Variants in KCNMB1 observed in about 807,000 individuals in gnomAD.
KCNMB1 encodes the protein calcium-activated potassium channel subunit beta-1.
Under a neutral mutation model 21.7 loss-of-function variants are expected in KCNMB1, and 22 were observed. The observed-to-expected ratio is 1.01, with a 90% CI of 0.72 to 1.45. KCNMB1 has a LOEUF of 1.45. KCNMB1 is among the 40% of genes most tolerant of loss of function. The pLI is 0.00. For missense variants in KCNMB1, 243 were observed against 243.4 expected (o/e 1.00, Z 0.01); for synonymous variants, 114 against 107.6 (o/e 1.06, Z -0.37).
At chr5:170,383,453 G>A (rs1298717253) in intron 3 of KCNMB1, 2 of 617,348 alleles carry the variant, frequency 3.2e-6, no homozygotes, top group Admixed American at 2.6e-5. Flanking sequence ...GGAGGTGAGA[G>A]GCTAAGTGGC....
At chr5:170,380,481 T>C (rs12518633) in intron 3 of KCNMB1, among the ~76,000 whole-genome samples, 3,982 of 152,282 alleles carry the variant, frequency 0.026, 117 homozygotes, top group African/African-American at 0.067. Context: ...TTATATGAGG[T>C]GCCACCCTGG....
At chr5:170,385,601 ACTTCC>A in intron 1 of KCNMB1, 130 bp from the exon 2 acceptor site, 1 of 903,146 alleles carries the variant, frequency 1.1e-6, no homozygotes, top group Non-Finnish European at 1.7e-6. Context: ...GAGCTTTGCA[ACTTCC>A]AGAAGTCTTG....
At chr5:170,388,089 AC>A (rs781422030) in intron 1 of KCNMB1, among the ~76,000 whole-genome samples, 15 of 152,040 alleles carry the variant, frequency 9.9e-5, no homozygotes, top group Non-Finnish European at 2.2e-4. Flanking sequence ...GCCCCTGGGC[AC>A]TCCTGAGGCT....
At chr5:170,380,604 C>T (rs1435451597) in intron 3 of KCNMB1, among the ~76,000 whole-genome samples, 1 of 152,222 alleles carries the variant, frequency 6.6e-6, no homozygotes, top group Admixed American at 6.5e-5. Context: ...CCCAGCCAGC[C>T]AGGGAGTAGC....
rs1024202305 is a variant in KCNMB1, at chr5:170,375,111, T to C, written c.*3593A>G. 1 of 152,238 alleles carries C rather than the reference T, an allele frequency of 6.6e-6. No individual in the cohort carries two copies. Among genetic ancestry groups the C allele is most frequent in the Admixed American group, 6.5e-5 (1 of 15,286 alleles). 9.4% of individuals were successfully genotyped at this position (152,238 alleles called of 1,614,324 possible). ...GACTTCCTTTCTTATTTTTCTTCCT[T>C]TTTTAACTTAAATTTTTGAGATAAT... On this transcript the variant is annotated 3_prime_UTR_variant, in exon 4 of 4. Transcript: ENST00000274629.
At chr5:170,387,281 G>C (rs973786770) in intron 1 of KCNMB1, among the ~76,000 whole-genome samples, 4 of 152,138 alleles carry the variant, frequency 2.6e-5, no homozygotes, top group Non-Finnish European at 5.9e-5. Context: ...GTTTTTGTTT[G>C]TTTAATTAGC....
At chr5:170,389,061 G>A (rs1451308054) in intron 1 of KCNMB1, among the ~76,000 whole-genome samples, 198 bp downstream of exon 1, 1 of 152,154 alleles carries the variant, frequency 6.6e-6, no homozygotes, top group Non-Finnish European at 1.5e-5. Flanking sequence ...CTTACTACCA[G>A]AGTAACCTGG....
At chr5:170,382,039 C>T (rs557995461) in intron 3 of KCNMB1, among the ~76,000 whole-genome samples, 1 of 152,264 alleles carries the variant, frequency 6.6e-6, no homozygotes, top group Admixed American at 6.5e-5. Context: ...TCCCAGGCAC[C>T]CTGCCCCTTC....
chr5:170,383,491 G>T, intron 3 of KCNMB1, 188 bp downstream of exon 3: 2 of 665,084 alleles, frequency 3.0e-6, no homozygotes. Flanking sequence ...GCCAGTTAGC[G>T]GCAGATTCAA....
chr5:170,378,457 TAGAG>T lies in KCNMB1; in HGVS notation c.*243_*246del, dbSNP rs1182232577. 5 of 506,644 alleles carry T rather than the reference TAGAG, an allele frequency of 9.9e-6. No individual in the cohort carries two copies. Among genetic ancestry groups the T allele is most frequent in the Non-Finnish European group, 1.7e-5 (5 of 287,900 alleles). 31.4% of individuals were successfully genotyped at this position (506,644 alleles called of 1,614,324 possible). On this transcript the variant is annotated 3_prime_UTR_variant, in exon 4 of 4. Coordinates refer to ENST00000274629, the MANE Select transcript of KCNMB1 (RefSeq NM_004137.4). ...GAGTCAGTTGAGTGGGGACAGGTAA[TAGAG>T]AGCTAGAACTGGCTGGCCTTATGGC...
At position 170,374,730 on chromosome 5, in the gene KCNMB1, A is replaced by C; in HGVS notation, c.*3974T>G. On this transcript the variant is annotated 3_prime_UTR_variant, in exon 4 of 4. Coordinates refer to ENST00000274629, the MANE Select transcript of KCNMB1 (RefSeq NM_004137.4). ...GGTTCTCTGCTCCCAGGCAGATATT[A>C]TTGCAAAAAAACACGTAGGCACAGG... is the stretch of plus-strand genomic sequence containing the variant. 6.6e-6 allele frequency: 1 copy of C among 152,210 alleles called. No homozygotes were observed. The highest frequency in any genetic ancestry group is 1.5e-5 in the Non-Finnish European group (1 of 68,028). The allele number at this position is 152,210 out of a possible 1,614,324, so 9.4% of individuals were successfully genotyped here.
Position 170,376,560 on chromosome 5 carries a change from C to G in KCNMB1, c.*2144G>C, listed in dbSNP as rs975393286. The G allele has an allele frequency of 4.6e-5, 7 of 152,120 alleles. No individual in the cohort carries two copies. Among genetic ancestry groups the G allele is most frequent in the African/African-American group, 1.7e-4 (7 of 41,408 alleles). The allele number at this position is 152,120 out of a possible 1,614,324, so 9.4% of individuals were successfully genotyped here. A position where few individuals can be genotyped will look rare whatever the true frequency, so the allele number is the denominator to read the frequency against. The stretch of plus-strand genomic sequence containing the variant: ...AGGCCTCAGTGTGTGTTGTTCCCCT[C>G]TTTGTGTCCATGTGTTTTCATCATT... On this transcript the variant is annotated 3_prime_UTR_variant, in exon 4 of 4. Coordinates refer to ENST00000274629, the MANE Select transcript of KCNMB1 (RefSeq NM_004137.4).
intron 1 of KCNMB1, among the ~76,000 whole-genome samples, chr5:170,386,816 C>T (rs908656091): frequency 1.3e-5 from 2 of 152,020 alleles, no homozygotes; most frequent in African/African-American, 2.4e-5. Context: ...AGAATGGGCA[C>T]ATTCTGCTGG....
At chr5:170,384,314 G>T (rs2113343380) in intron 2 of KCNMB1, among the ~76,000 whole-genome samples, 1 of 152,232 alleles carries the variant, frequency 6.6e-6, no homozygotes, top group East Asian at 1.9e-4. Context: ...AAGTGACTTT[G>T]CTGAGACCTT....
At position 170,383,817 on chromosome 5, in the gene KCNMB1, A is replaced by G. The variant is rs186269343; in HGVS notation, c.168T>C (p.Ile56=). ...VWTQESKCHL[I]ETNIRDQEEL... is the part of the protein sequence containing the mutation. ...CCTCCTGGTCCCTGATGTTGGTCTC[A>G]ATCAGGTGGCACTTGGATTCCTGGG... Residue 56 remains isoleucine, a synonymous_variant, in exon 3 of 4, where the codon ATT becomes ATC. Coordinates refer to ENST00000274629, the MANE Select transcript of KCNMB1 (RefSeq NM_004137.4). 6.2e-7 allele frequency: 1 copy of G among 1,614,082 alleles called. No individual in the cohort carries two copies. The highest frequency in any genetic ancestry group is 2.2e-5 in the East Asian group (1 of 44,872).
intron 3 of KCNMB1, among the ~76,000 whole-genome samples, chr5:170,382,090 C>T (rs1764266335): frequency 6.6e-6 from 1 of 152,168 alleles, no homozygotes; most frequent in African/African-American, 2.4e-5. Context: ...CAGCATCTCC[C>T]CTGCTGCAGG....
At position 170,378,325 on chromosome 5, in the gene KCNMB1, CT is replaced by C. The variant is rs567032700; in HGVS notation, c.*378del. 689 of 186,768 alleles carry C rather than the reference CT, an allele frequency of 3.7e-3. 1 individual carries two copies. Among genetic ancestry groups the C allele is most frequent in the Non-Finnish European group, 6.2e-3 (570 of 91,216 alleles). 11.6% of individuals were successfully genotyped at this position (186,768 alleles called of 1,614,324 possible). ...AAGGGAGGCTCGCTGGGGACAGCTT[CT>C]GGGGGAGGATGGGTACCGCTTTGAG... On this transcript the variant is annotated 3_prime_UTR_variant, in exon 4 of 4. Coordinates refer to ENST00000274629, the MANE Select transcript of KCNMB1 (RefSeq NM_004137.4).
chr5:170,376,724 A>G lies in KCNMB1; in HGVS notation c.*1980T>C, dbSNP rs1338907854. Reference sequence around the variant, plus strand: ...TCTCCTTCCTTTTTATGGCTGCATAATATTCCATGACGTATACGTACCACA... The same window carrying G: ...TCTCCTTCCTTTTTATGGCTGCATAGTATTCCATGACGTATACGTACCACA... On this transcript the variant is annotated 3_prime_UTR_variant, in exon 4 of 4. Transcript: ENST00000274629. 1.3e-5 allele frequency: 2 copies of G among 152,174 alleles called. No homozygotes were observed. Among genetic ancestry groups the G allele is most frequent in the Non-Finnish European group, 2.9e-5 (2 of 68,038 alleles). The allele number at this position is 152,174 out of a possible 1,614,324, so 9.4% of individuals were successfully genotyped here. A position where few individuals can be genotyped will look rare whatever the true frequency, so the allele number is the denominator to read the frequency against.
At position 170,378,993 on chromosome 5, in the gene KCNMB1, C is replaced by T; in HGVS notation, c.307-20G>A. ...GGAGCACTGTGGGGAGAAACAAGAG[C>T]AGCTGTGGGCTTGGAAATCCCCATT... On this transcript the variant is annotated intron_variant, in intron 3 of 3. Transcript: ENST00000274629. 1.2e-6 allele frequency: 2 copies of T among 1,608,130 alleles called. No individual in the cohort carries two copies. The highest frequency in any genetic ancestry group is 1.7e-6 in the Non-Finnish European group (2 of 1,176,596).
Sources: allele counts gnomAD v4.1 joint callset (sites outside exome capture counted in the v4.1 genomes callset), GRCh38; gene constraint gnomAD v4.1.1; transcripts MANE v1.5; gene names NCBI Gene and HGNC (gene_info 2026-07-23, HGNC 2026-07-21).